DAB1: variants seen among roughly 807,000 people sequenced by gnomAD.
DAB1 encodes the protein disabled homolog 1.
Under a neutral mutation model 64.6 loss-of-function variants are expected in DAB1, and 15 were observed. That is an observed-to-expected ratio of 0.23 (90% CI 0.16 to 0.36). DAB1 has a LOEUF of 0.36. Ranked by LOEUF, DAB1 falls within the 10% of genes least tolerant of loss-of-function variation. The pLI is 1.00. For missense variants in DAB1, 596 were observed against 706.7 expected (o/e 0.84, Z 1.78); for synonymous variants, 235 against 251.9 (o/e 0.93, Z 0.64).
At chr1:57,985,062 C>T (rs142465451) in intron 5 of DAB1, among the ~76,000 whole-genome samples, 1 of 152,222 alleles carries the variant, frequency 6.6e-6, no homozygotes, top group Non-Finnish European at 1.5e-5. Context: ...CGCACGCCAC[C>T]AGGCCCAACT....
chr1:57,183,032 C>T (rs1436404802), intron 2 of DAB1, among the ~76,000 whole-genome samples: 1 of 152,072 alleles, frequency 6.6e-6, no homozygotes, highest in Non-Finnish European at 1.5e-5. Context: ...GAAGTTCTGT[C>T]GTAGATGATA....
chr1:57,253,218 C>T (rs549338947), intron 2 of DAB1, among the ~76,000 whole-genome samples: 28 of 152,206 alleles, frequency 1.8e-4, no homozygotes, highest in Admixed American at 1.5e-3. Context: ...GAAGCGGCCA[C>T]GGGAGGACGG....
intron 6 of DAB1, among the ~76,000 whole-genome samples, chr1:57,798,467 A>G (rs979262976): frequency 4.6e-5 from 7 of 152,204 alleles, no homozygotes; most frequent in Non-Finnish European, 1.0e-4. Flanking sequence ...AGAAGTCTCA[A>G]GGTCCAGAGG....
chr1:58,207,148 C>A (rs1306790504), intron 4 of DAB1, among the ~76,000 whole-genome samples: 2 of 152,220 alleles, frequency 1.3e-5, no homozygotes, highest in Admixed American at 6.5e-5. Context: ...CCTGCAGATA[C>A]TTAAGAAAAG....
intron 1 of DAB1, among the ~76,000 whole-genome samples, chr1:57,309,047 A>AT (rs1344660011): frequency 6.6e-6 from 1 of 152,180 alleles, no homozygotes; most frequent in Non-Finnish European, 1.5e-5. Context: ...ATATTATGAA[A>AT]TTTTTTTGTG....
At chr1:57,426,814 G>A (rs558938640), upstream of DAB1, among the ~76,000 whole-genome samples, 3 of 151,746 alleles carry the variant, frequency 2.0e-5, no homozygotes, top group East Asian at 1.9e-4. Flanking sequence ...CAATGGTGGT[G>A]GATAACACTT....
At chr1:57,286,784 C>T (rs976130773) in intron 2 of DAB1, among the ~76,000 whole-genome samples, 1 of 152,142 alleles carries the variant, frequency 6.6e-6, no homozygotes, top group Non-Finnish European at 1.5e-5. Flanking sequence ...AAGTTATACA[C>T]CAATCTTGCT....
intron 5 of DAB1, among the ~76,000 whole-genome samples, chr1:58,010,806 T>C (rs1646657260): frequency 1.3e-5 from 2 of 152,344 alleles, no homozygotes; most frequent in South Asian, 4.1e-4. Context: ...TATCAGCTTC[T>C]CCTTCCCTTA....
intron 7 of DAB1, among the ~76,000 whole-genome samples, chr1:57,472,832 T>C (rs1687190231): frequency 6.6e-6 from 1 of 152,186 alleles, no homozygotes; most frequent in East Asian, 1.9e-4. Context: ...AATACTCTAC[T>C]CTTATCATTT....
At chr1:57,692,134 C>T (rs989523334) in intron 6 of DAB1, among the ~76,000 whole-genome samples, 1 of 152,054 alleles carries the variant, frequency 6.6e-6, no homozygotes, top group African/African-American at 2.4e-5. Flanking sequence ...CTCAAAGTCA[C>T]GTTGCCCAAG....
intron 6 of DAB1, among the ~76,000 whole-genome samples, chr1:57,660,859 T>C (rs1304720592): frequency 6.6e-6 from 1 of 152,234 alleles, no homozygotes; most frequent in Non-Finnish European, 1.5e-5. Flanking sequence ...TTGAGGCCTT[T>C]ACTGTGACTG....
At chr1:57,995,859 GCACATACATGGATC>G (rs1646417109) in intron 5 of DAB1, among the ~76,000 whole-genome samples, 1 of 151,736 alleles carries the variant, frequency 6.6e-6, no homozygotes, top group Non-Finnish European at 1.5e-5. Flanking sequence ...CACAGACCAA[GCACATACATGGATC>G]CAGGATAGAA....
chr1:58,317,152 C>T (rs753772794), intron 4 of DAB1, among the ~76,000 whole-genome samples: 1 of 152,252 alleles, frequency 6.6e-6, no homozygotes, highest in Non-Finnish European at 1.5e-5. Flanking sequence ...TCTCCCCATG[C>T]TTAAGTTGAA....
At chr1:57,367,118 T>TAAAATAATAAAATA (rs200326231) in intron 1 of DAB1, among the ~76,000 whole-genome samples, 2 of 130,034 alleles carry the variant, frequency 1.5e-5, no homozygotes, top group East Asian at 5.2e-4. Context: ...TAAAATAAAA[T>TAAAATAATAAAATA]AAATAAATTA....
At chr1:58,023,707 TAAAC>T (rs1284008448) in intron 5 of DAB1, among the ~76,000 whole-genome samples, 2 of 152,218 alleles carry the variant, frequency 1.3e-5, no homozygotes, top group African/African-American at 2.4e-5. Context: ...TGTTGTGAGA[TAAAC>T]AACGATATAT....
At chr1:58,212,447 T>C (rs1320430135) in intron 4 of DAB1, among the ~76,000 whole-genome samples, 1 of 152,178 alleles carries the variant, frequency 6.6e-6, no homozygotes, top group Admixed American at 6.5e-5. Flanking sequence ...AAGGTTCACA[T>C]TCTTAATCAC....
At chr1:58,204,044 C>A (rs1460926763) in intron 4 of DAB1, among the ~76,000 whole-genome samples, 1 of 152,132 alleles carries the variant, frequency 6.6e-6, no homozygotes, top group Non-Finnish European at 1.5e-5. Flanking sequence ...TAAGACATTA[C>A]CTGTAATAAT....
chr1:57,711,604 C>T (rs1206540063), intron 6 of DAB1, among the ~76,000 whole-genome samples: 1 of 152,190 alleles, frequency 6.6e-6, no homozygotes, highest in Non-Finnish European at 1.5e-5. Flanking sequence ...CTTAAGTGAA[C>T]AGCGGACTAT....
In DAB1 at chr1:58,280,161, G is replaced by GA. The variant is rs147923012; in HGVS notation, n.309+63190dup. On this transcript the variant is annotated intron_variant and non_coding_transcript_variant, in intron 4 of 20. Transcript: ENST00000485760. ...CCAGAGAGAAGAAACATCCTCTGTA[G>GA]AAACCTGACCTCCTCTAAGACAGGA... 2.3e-3 allele frequency among the ~76,000 whole-genome samples: 350 copies of GA among 152,290 alleles called. 4 individuals are homozygous for GA. The highest frequency in any genetic ancestry group is 0.01 in the Middle Eastern group (3 of 294).
Sources: allele counts gnomAD v4.1 joint callset (sites outside exome capture counted in the v4.1 genomes callset), GRCh38; gene constraint gnomAD v4.1.1; transcripts MANE v1.5; gene names NCBI Gene and HGNC (gene_info 2026-07-23, HGNC 2026-07-21).